Variants in CHST9 observed in about 807,000 individuals in gnomAD.
CHST9 encodes carbohydrate sulfotransferase 9.
CHST9 carries 41 observed loss-of-function variants against 44.4 expected under a neutral mutation model. That is an observed-to-expected ratio of 0.92 (90% confidence interval 0.72 to 1.20). CHST9 has a LOEUF of 1.20. Among genes scored for constraint, CHST9 ranks in the 50% most tolerant of loss-of-function variants. CHST9 has a pLI of 0.00. For synonymous variants in CHST9, 171 were observed against 178.4 expected (o/e 0.96, Z 0.33); for missense variants, 504 against 516.5 (o/e 0.98, Z 0.23).
At chr18:26,939,738 G>A (rs1296750127) in intron 5 of CHST9, among the ~76,000 whole-genome samples, 10 of 152,156 alleles carry the variant, frequency 6.6e-5, no homozygotes, top group Admixed American at 5.9e-4. Context: ...CTTCACGGGG[G>A]AAACAGGACG....
At chr18:26,933,085 G>A (rs1397475097) in intron 5 of CHST9, 1 of 153,728 alleles carries the variant, frequency 6.5e-6, no homozygotes, top group Non-Finnish European at 1.5e-5. Flanking sequence ...GAATCTACAC[G>A]TGCATAGACC....
intron 2 of CHST9, among the ~76,000 whole-genome samples, chr18:27,088,409 T>C (rs1207797723): frequency 6.7e-6 from 1 of 148,738 alleles, no homozygotes; most frequent in Non-Finnish European, 1.5e-5. Flanking sequence ...TTTTTTTGCT[T>C]TTTTGAGATG....
At chr18:26,989,089 G>T (rs2056786692) in intron 4 of CHST9, among the ~76,000 whole-genome samples, 1 of 152,000 alleles carries the variant, frequency 6.6e-6, no homozygotes, top group African/African-American at 2.4e-5. Flanking sequence ...TAAGAGACAT[G>T]AAAAATGAGA....
At chr18:26,922,574 A>G (rs1433631934) in intron 5 of CHST9, among the ~76,000 whole-genome samples, 1 of 152,178 alleles carries the variant, frequency 6.6e-6, no homozygotes, top group East Asian at 1.9e-4. Flanking sequence ...ATATGGAAAA[A>G]TGTGTGGAAT....
chr18:27,178,810 A>T (rs967725203), intron 1 of CHST9, among the ~76,000 whole-genome samples: 3 of 152,014 alleles, frequency 2.0e-5, no homozygotes, highest in African/African-American at 7.2e-5. Flanking sequence ...CAAAATTCTA[A>T]TACAGCAGTT....
At chr18:26,993,788 G>T (rs570039805) in intron 4 of CHST9, among the ~76,000 whole-genome samples, 3 of 152,228 alleles carry the variant, frequency 2.0e-5, no homozygotes, top group Non-Finnish European at 4.4e-5. Context: ...TGCACAGAGA[G>T]ATTCTGATCA....
Position 27,020,646 on chromosome 18 carries a change from A to G in CHST9, c.202+3470T>C, listed in dbSNP as rs372574030. ...ATATTTAATGAATAGCCATTGACTG[A>G]GGGAATCAACCATGCTCCCAAATGA... On this transcript the variant is annotated intron_variant, in intron 4 of 5. Transcript: ENST00000618847. Among the ~76,000 whole-genome samples, 9 of 152,372 alleles carry G rather than the reference A, an allele frequency of 5.9e-5. No homozygotes were observed. The East Asian group carries it at 7.7e-4, about 13-fold the overall frequency.
In CHST9 at chr18:27,104,058, T is replaced by C. The variant is rs2058198585; in HGVS notation, c.121+38631A>G. 3.9e-5 allele frequency among the ~76,000 whole-genome samples: 6 copies of C among 152,176 alleles called. No individual in the cohort carries two copies. In the South Asian group the frequency reaches 1.0e-3, roughly 26 times the overall value. Reference sequence around the variant, plus strand: ...ATAATATGATATTTAAAATCTTCTATCATACTTTTAAAAAAGCCATTACCT... The same window carrying C: ...ATAATATGATATTTAAAATCTTCTACCATACTTTTAAAAAAGCCATTACCT... On this transcript the variant is annotated intron_variant, in intron 2 of 5. Transcript: ENST00000618847.
chr18:27,118,795 G>T (rs1299593483), intron 2 of CHST9, among the ~76,000 whole-genome samples: 3 of 152,156 alleles, frequency 2.0e-5, no homozygotes, highest in African/African-American at 4.8e-5. Context: ...TTCCCAAGTA[G>T]TCCCACAGTC....
At chr18:26,978,182 T>A (rs1390899255) in intron 4 of CHST9, among the ~76,000 whole-genome samples, 1 of 152,036 alleles carries the variant, frequency 6.6e-6, no homozygotes, top group Non-Finnish European at 1.5e-5. Context: ...ATTGTTCTAT[T>A]TTATTTAATT....
chr18:27,076,491 G>C (rs1468881884), intron 2 of CHST9, among the ~76,000 whole-genome samples: 1 of 152,064 alleles, frequency 6.6e-6, no homozygotes, highest in Non-Finnish European at 1.5e-5. Context: ...GCAAATCCTG[G>C]TATAGGTGTG....
Position 26,911,548 on chromosome 18 carries a change from C to T in CHST9, c.*4711G>A, listed in dbSNP as rs1287942535. 6.6e-6 allele frequency: 1 copy of T among 152,064 alleles called. No homozygotes were observed. The highest frequency in any genetic ancestry group is 2.4e-5 in the African/African-American group (1 of 41,412). The allele number at this position is 152,064 out of a possible 1,614,324, so 9.4% of individuals were successfully genotyped here. A position where few individuals can be genotyped will look rare whatever the true frequency, so the allele number is the denominator to read the frequency against. On this transcript the variant is annotated 3_prime_UTR_variant, in exon 6 of 6. Coordinates refer to ENST00000618847, the MANE Select transcript of CHST9 (RefSeq NM_031422.6). The stretch of plus-strand genomic sequence containing the variant: ...GAAATTGAATAATCTCAAGAGATTC[C>T]TTGGTGAGTTAACAAGAAATGAATG...
intron 1 of CHST9, among the ~76,000 whole-genome samples, chr18:27,180,393 A>G (rs2058902459): frequency 6.6e-6 from 1 of 152,150 alleles, no homozygotes; most frequent in Non-Finnish European, 1.5e-5. Flanking sequence ...GAGGATAATA[A>G]GGGGGTAACA....
At chr18:26,979,659 C>T (rs983456637) in intron 4 of CHST9, among the ~76,000 whole-genome samples, 1 of 152,072 alleles carries the variant, frequency 6.6e-6, no homozygotes, top group Admixed American at 6.6e-5. Flanking sequence ...TGTCATTTTA[C>T]CAAGAGCTCC....
intron 4 of CHST9, among the ~76,000 whole-genome samples, chr18:26,991,326 T>G (rs375420047): frequency 6.6e-6 from 1 of 152,154 alleles, no homozygotes. Context: ...CAAAGATGAT[T>G]CCAAGTTTTA....
chr18:27,049,368 T>C (rs2057539725), intron 2 of CHST9, among the ~76,000 whole-genome samples: 1 of 152,084 alleles, frequency 6.6e-6, no homozygotes, highest in Non-Finnish European at 1.5e-5. Flanking sequence ...TAGAATGTGA[T>C]GAGGCTGGGA....
In CHST9 at chr18:26,908,667, C is replaced by G. The variant is rs1221173423; in HGVS notation, c.*7592G>C. 2.0e-5 allele frequency: 3 copies of G among 152,082 alleles called. No individual in the cohort carries two copies. The highest frequency in any genetic ancestry group is 7.2e-5 in the African/African-American group (3 of 41,404). The allele number at this position is 152,082 out of a possible 1,614,324, so 9.4% of individuals were successfully genotyped here. A position where few individuals can be genotyped will look rare whatever the true frequency, so the allele number is the denominator to read the frequency against. On this transcript the variant is annotated 3_prime_UTR_variant, in exon 6 of 6. Transcript: ENST00000618847. Reference sequence around the variant, plus strand: ...GTGGTTAGAATTGGGTAGGTAGCAGCAGAACTGTTAGTGGACCCACATGAA... The same window carrying G: ...GTGGTTAGAATTGGGTAGGTAGCAGGAGAACTGTTAGTGGACCCACATGAA...
At chr18:26,940,312 T>G (rs1174853542) in intron 5 of CHST9, among the ~76,000 whole-genome samples, 1 of 152,160 alleles carries the variant, frequency 6.6e-6, no homozygotes, top group Non-Finnish European at 1.5e-5. Flanking sequence ...CTGAGGGTTG[T>G]GCTGTGTCTT....
At chr18:27,091,431 C>G (rs1206563919) in intron 2 of CHST9, among the ~76,000 whole-genome samples, 1 of 152,162 alleles carries the variant, frequency 6.6e-6, no homozygotes, top group African/African-American at 2.4e-5. Flanking sequence ...ATCGAATACC[C>G]TTTATTTCTT....
Sources: gnomAD v4.1 joint callset for allele counts (sites outside exome capture counted in the v4.1 genomes callset) on GRCh38, gnomAD v4.1.1 for gene constraint, MANE v1.5 for transcripts, NCBI Gene and HGNC (gene_info 2026-07-23, HGNC 2026-07-21) for gene names.